Variants in MARCHF1 observed in about 807,000 individuals in gnomAD.
The protein encoded by MARCHF1 is membrane associated ring-CH-type finger 1.
Under a neutral mutation model 54.2 loss-of-function variants are expected in MARCHF1, and 40 were observed. That is an observed-to-expected ratio of 0.74 (90% CI 0.57 to 0.96). The LOEUF (loss-of-function observed/expected upper bound fraction) is 0.96. Among genes scored for constraint, MARCHF1 ranks in the 40% least tolerant of loss-of-function variants. MARCHF1 has a pLI of 0.00. For synonymous variants in MARCHF1, 236 were observed against 236.3 expected (o/e 1.00, Z 0.01); for missense variants, 586 against 656.5 (o/e 0.89, Z 1.17).
chr4:164,129,248 T>G (rs2110809264), intron 1 of MARCHF1, among the ~76,000 whole-genome samples: 1 of 152,288 alleles, frequency 6.6e-6, no homozygotes, highest in African/African-American at 2.4e-5. Context: ...TTTCATCACC[T>G]CAAATGCGAT....
chr4:164,027,494 A>G (rs1753796709), intron 2 of MARCHF1, among the ~76,000 whole-genome samples: 1 of 151,882 alleles, frequency 6.6e-6, no homozygotes, highest in Non-Finnish European at 1.5e-5. Context: ...AAAACAAGCA[A>G]TGGGAAATGA....
At chr4:163,808,858 C>A (rs372419414) in intron 4 of MARCHF1, among the ~76,000 whole-genome samples, 1 of 152,104 alleles carries the variant, frequency 6.6e-6, no homozygotes, top group African/African-American at 2.4e-5. Context: ...TCTGAGCCAC[C>A]GTGCCCGGCC....
At chr4:163,746,069 A>G (rs1169528110) in intron 4 of MARCHF1, among the ~76,000 whole-genome samples, 2 of 152,136 alleles carry the variant, frequency 1.3e-5, no homozygotes, top group African/African-American at 2.4e-5. Flanking sequence ...TGTTCATTCT[A>G]TGGGTTTGGA....
At chr4:164,002,802 TTAAA>T (rs1221337734) in intron 2 of MARCHF1, among the ~76,000 whole-genome samples, 2 of 151,734 alleles carry the variant, frequency 1.3e-5, no homozygotes, top group African/African-American at 2.4e-5. Flanking sequence ...AAAGAAAATC[TTAAA>T]TAATGCTGGT....
At chr4:164,049,827 T>A (rs939483078) in intron 2 of MARCHF1, among the ~76,000 whole-genome samples, 4 of 152,194 alleles carry the variant, frequency 2.6e-5, no homozygotes, top group African/African-American at 9.6e-5. Context: ...TCCTTGCATT[T>A]TATGAGGCAG....
chr4:164,289,468 T>C (rs570275783), intron 1 of MARCHF1, among the ~76,000 whole-genome samples: 8 of 152,028 alleles, frequency 5.3e-5, no homozygotes, highest in African/African-American at 1.9e-4. Flanking sequence ...ACAGATTTTT[T>C]AAAGTTGAAG....
chr4:163,869,832 A>G (rs543617645), intron 3 of MARCHF1, among the ~76,000 whole-genome samples: 20 of 152,200 alleles, frequency 1.3e-4, no homozygotes, highest in African/African-American at 4.6e-4. Context: ...CATACTCCTA[A>G]AAATGGACAC....
At chr4:163,760,091 G>A (rs1385966963) in intron 4 of MARCHF1, among the ~76,000 whole-genome samples, 6 of 152,198 alleles carry the variant, frequency 3.9e-5, no homozygotes, top group Admixed American at 1.3e-4. Context: ...TTCTTCAGAA[G>A]GCTGTAAGGG....
chr4:163,600,328 C>T (rs1299094354), intron 7 of MARCHF1, among the ~76,000 whole-genome samples: 1 of 152,112 alleles, frequency 6.6e-6, no homozygotes, highest in Non-Finnish European at 1.5e-5. Flanking sequence ...AATTATCTGG[C>T]ATGCTTCTAA....
At chr4:163,557,513 C>A (rs1046761329) in intron 8 of MARCHF1, among the ~76,000 whole-genome samples, 3 of 152,146 alleles carry the variant, frequency 2.0e-5, no homozygotes, top group Non-Finnish European at 2.9e-5. Context: ...ATTCCTGAGG[C>A]CTTTATGCTT....
At chr4:164,031,855 TA>T (rs1334875724) in intron 2 of MARCHF1, among the ~76,000 whole-genome samples, 1 of 152,196 alleles carries the variant, frequency 6.6e-6, no homozygotes, top group African/African-American at 2.4e-5. Flanking sequence ...TAAAATGAGT[TA>T]GGGAGGAGCC....
chr4:163,662,580 C>T (rs779690757), intron 5 of MARCHF1, among the ~76,000 whole-genome samples: 5 of 151,940 alleles, frequency 3.3e-5, no homozygotes, highest in African/African-American at 7.3e-5. Flanking sequence ...GCTCTAAGTC[C>T]GTCTGTTACC....
chr4:163,878,644 A>G (rs1750344531), intron 3 of MARCHF1, among the ~76,000 whole-genome samples: 1 of 152,182 alleles, frequency 6.6e-6, no homozygotes, highest in Admixed American at 6.5e-5. Context: ...GTGAGAAGGA[A>G]TGTAGGGGAC....
intron 1 of MARCHF1, among the ~76,000 whole-genome samples, chr4:164,299,166 A>C (rs950989804): frequency 1.3e-5 from 2 of 152,154 alleles, no homozygotes; most frequent in Admixed American, 6.6e-5. Flanking sequence ...TCAGGTGCCC[A>C]CTATGTTCTG....
intron 8 of MARCHF1, among the ~76,000 whole-genome samples, chr4:163,552,489 A>G (rs568825213): frequency 1.3e-5 from 2 of 152,358 alleles, no homozygotes; most frequent in East Asian, 3.9e-4. Context: ...AAAGAGGCAT[A>G]TCTAAGACCC....
At chr4:163,698,040 TA>T (rs1257526612) in intron 5 of MARCHF1, among the ~76,000 whole-genome samples, 1 of 152,220 alleles carries the variant, frequency 6.6e-6, no homozygotes, top group African/African-American at 2.4e-5. Flanking sequence ...AACACTGTTC[TA>T]AGCACCACTG....
At chr4:163,652,776 C>T (rs1437488904) in intron 5 of MARCHF1, among the ~76,000 whole-genome samples, 1 of 151,824 alleles carries the variant, frequency 6.6e-6, no homozygotes, top group African/African-American at 2.4e-5. Context: ...CATTTGTATG[C>T]ACATTTCCAA....
intron 2 of MARCHF1, among the ~76,000 whole-genome samples, chr4:164,019,680 C>T (rs771946536): frequency 1.2e-4 from 18 of 152,186 alleles, no homozygotes; most frequent in Non-Finnish European, 2.4e-4. Flanking sequence ...GGCAAAACTG[C>T]TTCTGACAAT....
chr4:163,547,639 C>A (rs1304979481), intron 8 of MARCHF1, among the ~76,000 whole-genome samples: 1 of 152,200 alleles, frequency 6.6e-6, no homozygotes, highest in Admixed American at 6.5e-5. Context: ...CTGCCACTTG[C>A]TGTCAAATGC....
Sources: allele counts gnomAD v4.1 joint callset (sites outside exome capture counted in the v4.1 genomes callset), GRCh38; gene constraint gnomAD v4.1.1; transcripts MANE v1.5; gene names NCBI Gene and HGNC (gene_info 2026-07-23, HGNC 2026-07-21).